SH3PXD2A: variants seen among roughly 807,000 people sequenced by gnomAD.
SH3PXD2A encodes the protein SH3 and PX domains 2A, also known as SH3 and PX domain-containing protein 2A.
Under a neutral mutation model 115.2 loss-of-function variants are expected in SH3PXD2A, and 32 were observed. The observed-to-expected ratio is 0.28, with a 90% CI of 0.21 to 0.37. The LOEUF is 0.37. SH3PXD2A is among the 10% of genes least tolerant of loss of function. SH3PXD2A has a pLI of 1.00. For missense variants in SH3PXD2A, 1,328 were observed against 1,498.7 expected, an observed-to-expected ratio of 0.89 and a Z score of 1.88; for synonymous variants, 610 against 629.1, an observed-to-expected ratio of 0.97 and a Z score of 0.45.
chr10:103,603,157 T>C lies in SH3PXD2A; in HGVS notation c.2061A>G (p.Ser687=), dbSNP rs111351969. 8.4e-5 allele frequency: 135 copies of C among 1,613,816 alleles called. 2 individuals are homozygous for C. The African/African-American group carries it at 1.1e-3, about 14-fold the overall frequency. ...TGGTGATGGATGAGGAAAAGGAGGC[T>C]GAGGAGTGGTTCTTCCCCATTTCTG... The part of the protein sequence containing the change: ...AQAEMGKNHS[S]ASFSSSITIN... The change falls in exon 15 of 15, where the codon TCA becomes TCG. Residue 687 remains serine (S), a synonymous_variant. Transcript: ENST00000369774.
intron 5 of SH3PXD2A, among the ~76,000 whole-genome samples, chr10:103,711,875 C>T (rs1022064664): frequency 6.6e-6 from 1 of 152,000 alleles, no homozygotes; most frequent in Non-Finnish European, 1.5e-5. Flanking sequence ...GGCAACAGAG[C>T]CAGACCCCGT....
At chr10:103,772,672 G>A (rs1420018697) in intron 2 of SH3PXD2A, among the ~76,000 whole-genome samples, 2 of 152,200 alleles carry the variant, frequency 1.3e-5, no homozygotes, top group East Asian at 1.9e-4. Context: ...AAGCTGATTC[G>A]GCAGCTCTCC....
At chr10:103,672,109 A>T (rs942963457) in intron 6 of SH3PXD2A, among the ~76,000 whole-genome samples, 28 of 152,104 alleles carry the variant, frequency 1.8e-4, no homozygotes, top group Admixed American at 1.6e-3. Context: ...ACATGGCGAA[A>T]CTCCGTCTCT....
At chr10:103,607,092 G>C (rs1380210186) in intron 13 of SH3PXD2A, among the ~76,000 whole-genome samples, 1 of 151,680 alleles carries the variant, frequency 6.6e-6, no homozygotes, top group East Asian at 2.0e-4. Flanking sequence ...GAAGTGAGGA[G>C]CGTCTCTGCC....
rs779573080 is a variant in SH3PXD2A, at chr10:103,693,101, C to G, written c.399-45G>C. On this transcript the variant is annotated intron_variant, in intron 5 of 14. Coordinates refer to ENST00000369774, the MANE Select transcript of SH3PXD2A (RefSeq NM_001394015.1). ...AGATAGACATGGTTAGGGCCGGGCG[C>G]GAGCGCGGGGCTGCAGCTGCAGGGG... 3.8e-6 allele frequency: 6 copies of G among 1,593,536 alleles called. No individual in the cohort carries two copies. In the Admixed American group the frequency reaches 8.4e-5, roughly 22 times the overall value.
intron 8 of SH3PXD2A, among the ~76,000 whole-genome samples, chr10:103,645,295 C>T (rs1036560987): frequency 9.2e-5 from 14 of 152,288 alleles, no homozygotes; most frequent in Non-Finnish European, 1.6e-4. Flanking sequence ...TTCCTGCCGG[C>T]CCCCGCAACT....
At chr10:103,810,842 A>ACG (rs2134276736) in intron 1 of SH3PXD2A, among the ~76,000 whole-genome samples, 1 of 150,208 alleles carries the variant, frequency 6.7e-6, no homozygotes, top group African/African-American at 2.4e-5. Context: ...CACACAACAC[A>ACG]CACACACAGA....
intron 1 of SH3PXD2A, among the ~76,000 whole-genome samples, chr10:103,844,857 T>A (rs796659974): frequency 1.8e-4 from 28 of 152,262 alleles, no homozygotes; most frequent in African/African-American, 6.5e-4. Flanking sequence ...ATTCAATATG[T>A]GGTAGCTGTG....
chr10:103,703,102 G>C (rs2037939920), intron 5 of SH3PXD2A, among the ~76,000 whole-genome samples: 1 of 152,208 alleles, frequency 6.6e-6, no homozygotes. Context: ...TTCCCATGGA[G>C]GCCAAGGAGC....
At chr10:103,617,598 G>A (rs559000219) in intron 10 of SH3PXD2A, among the ~76,000 whole-genome samples, 1 of 152,366 alleles carries the variant, frequency 6.6e-6, no homozygotes, top group African/African-American at 2.4e-5. Flanking sequence ...CTCCCAGCCT[G>A]ATAATGGCGG....
rs931644079 is a variant in SH3PXD2A at position 103,601,576 on chromosome 10, G to A, written c.*240C>T. On this transcript the variant is annotated 3_prime_UTR_variant, in exon 15 of 15. Transcript: ENST00000369774. ...CAGCTTTCTTGGCTCTGGGTCCCAGGCCTGGGACTCCCTGGTCCATTCCCT... is the reference window on the plus strand; with the variant it reads ...CAGCTTTCTTGGCTCTGGGTCCCAGACCTGGGACTCCCTGGTCCATTCCCT... The A allele has an allele frequency of 4.5e-6, 2 of 441,980 alleles. No individual in the cohort carries two copies. The highest frequency in any genetic ancestry group is 8.1e-6 in the Non-Finnish European group (2 of 247,338). The allele number at this position is 441,980 out of a possible 1,614,324, so 27.4% of individuals were successfully genotyped here. A position where few individuals can be genotyped will look rare whatever the true frequency, so the allele number is the denominator to read the frequency against.
At chr10:103,771,401 G>A (rs1236833363) in intron 2 of SH3PXD2A, among the ~76,000 whole-genome samples, 1 of 152,158 alleles carries the variant, frequency 6.6e-6, no homozygotes, top group Non-Finnish European at 1.5e-5. Context: ...CCCAAGAACC[G>A]TTTCTGTATG....
At chr10:103,729,423 C>T (rs2134178305) in intron 4 of SH3PXD2A, among the ~76,000 whole-genome samples, 1 of 152,382 alleles carries the variant, frequency 6.6e-6, no homozygotes, top group South Asian at 2.1e-4. Flanking sequence ...GCACCATCAC[C>T]AGTGAATTCA....
chr10:103,680,719 A>AG (rs1329048850), intron 6 of SH3PXD2A, among the ~76,000 whole-genome samples: 2 of 152,230 alleles, frequency 1.3e-5, no homozygotes, highest in Non-Finnish European at 2.9e-5. Context: ...GATGAAATCC[A>AG]GGGGGCAAGG....
rs1467494100 is a variant in SH3PXD2A, at chr10:103,605,823, C to T, written c.1403G>A (p.Ser468Asn). The T allele has an allele frequency of 5.0e-6, 8 of 1,613,978 alleles. No individual in the cohort carries two copies. The highest frequency in any genetic ancestry group is 5.9e-6 in the Non-Finnish European group (7 of 1,179,904). ...EFQSCISDGISFRGGQKAEVI... is the reference protein window; with the variant it reads ...EFQSCISDGINFRGGQKAEVI... ...CTCTGCCTTCTGTCCACCCCGAAAG[C>T]TGATGCCATCGGAAATGCACGACTG... Residue 468 changes from serine to asparagine, a missense_variant, in exon 14 of 15, where the codon AGC (serine) becomes AAC (asparagine). This residue lies in a region of SH3PXD2A where 509 missense variants were observed against 628.3 expected (regional missense o/e 0.81). Transcript: ENST00000369774.
At chr10:103,677,985 T>C in intron 6 of SH3PXD2A, 1 of 567,024 alleles carries the variant, frequency 1.8e-6, no homozygotes, top group East Asian at 6.8e-5. Flanking sequence ...GCACAGTGGC[T>C]CCCGTGCAGG....
intron 4 of SH3PXD2A, among the ~76,000 whole-genome samples, chr10:103,730,830 A>T (rs943414968): frequency 1.3e-5 from 2 of 152,146 alleles, no homozygotes; most frequent in Non-Finnish European, 2.9e-5. Context: ...ACCCTCCTGC[A>T]GAGGAGAAAT....
intron 8 of SH3PXD2A, among the ~76,000 whole-genome samples, chr10:103,632,006 C>T (rs1193955115): frequency 6.6e-6 from 1 of 152,126 alleles, no homozygotes; most frequent in Non-Finnish European, 1.5e-5. Context: ...CATCCTGACA[C>T]TTCCCACGCT....
At chr10:103,747,177 T>G (rs1406835452) in intron 3 of SH3PXD2A, 1 of 152,484 alleles carries the variant, frequency 6.6e-6, no homozygotes, top group Non-Finnish European at 1.5e-5. Context: ...CCTGGCAGAC[T>G]AGCAAATACA....
Sources: allele counts gnomAD v4.1 joint callset (sites outside exome capture counted in the v4.1 genomes callset), GRCh38; gene constraint gnomAD v4.1.1; regional missense constraint gnomAD v4.1.1; transcripts MANE v1.5; gene names NCBI Gene and HGNC (gene_info 2026-07-23, HGNC 2026-07-21).